Variants in TPD52 observed in about 807,000 individuals in gnomAD.
The protein encoded by TPD52 is tumor protein D52, also known as prostate and colon associated protein.
A neutral mutation model predicts 31.3 loss-of-function variants in TPD52; 17 were observed. The observed-to-expected ratio is 0.54, with a 90% CI of 0.37 to 0.82. TPD52 has a LOEUF of 0.82. Ranked by LOEUF, TPD52 falls within the 40% of genes least tolerant of loss-of-function variation. The pLI is 0.00. For synonymous variants in TPD52, 83 were observed against 89.6 expected, an observed-to-expected ratio of 0.93 and a Z score of 0.42; for missense variants, 212 against 240.1, an observed-to-expected ratio of 0.88 and a Z score of 0.77.
chr8:80,138,504 T>C (rs1310607817), intron 1 of TPD52, among the ~76,000 whole-genome samples: 1 of 152,192 alleles, frequency 6.6e-6, no homozygotes, highest in Non-Finnish European at 1.5e-5. Context: ...ATACATTATA[T>C]CTGAGTACAG....
chr8:80,116,051 T>C (rs1807841828), intron 1 of TPD52, among the ~76,000 whole-genome samples: 1 of 152,204 alleles, frequency 6.6e-6, no homozygotes, highest in Non-Finnish European at 1.5e-5. Flanking sequence ...GGATAATTTG[T>C]CAATATCTAC....
At chr8:80,031,656 G>A (rs939710255), downstream of TPD52, among the ~76,000 whole-genome samples, 3 of 152,078 alleles carry the variant, frequency 2.0e-5, no homozygotes, top group Non-Finnish European at 4.4e-5. Flanking sequence ...TGAGGAGTCC[G>A]AGACCAGCTT....
At chr8:80,152,181 C>G (rs1028979090) in intron 1 of TPD52, among the ~76,000 whole-genome samples, 13 of 150,520 alleles carry the variant, frequency 8.6e-5, no homozygotes, top group African/African-American at 3.2e-4. Flanking sequence ...CATGCCCCCC[C>G]GACCCCAGGA....
At position 80,035,247 on chromosome 8, in the gene TPD52, A is replaced by AG. The variant is rs749833814; in HGVS notation, c.*2868dup. Reference sequence around the variant, plus strand: ...TCCTAGCTATTTGGGAAGCTAAGGCAGTAGGATTCCTTGACCCCAGGAGTT... The same window carrying AG: ...TCCTAGCTATTTGGGAAGCTAAGGCAGGTAGGATTCCTTGACCCCAGGAGTT... On this transcript the variant is annotated 3_prime_UTR_variant, in exon 8 of 8. Transcript: ENST00000518937. The AG allele has an allele frequency of 2.6e-5, 4 of 152,250 alleles. No homozygotes were observed. The highest frequency in any genetic ancestry group is 4.8e-5 in the African/African-American group (2 of 41,466). The allele number at this position is 152,250 out of a possible 1,614,324, so 9.4% of individuals were successfully genotyped here.
At chr8:80,144,614 CCAGGGA>C (rs1392951014) in intron 1 of TPD52, among the ~76,000 whole-genome samples, 1 of 152,082 alleles carries the variant, frequency 6.6e-6, no homozygotes, top group Non-Finnish European at 1.5e-5. Context: ...AGTGGTCTTC[CCAGGGA>C]AGTTCATGGG....
chr8:80,115,904 T>C (rs1039890076), intron 1 of TPD52, among the ~76,000 whole-genome samples: 1 of 152,086 alleles, frequency 6.6e-6, no homozygotes, highest in African/African-American at 2.4e-5. Flanking sequence ...GAAAAAATAT[T>C]TGGAAGACAT....
intron 1 of TPD52, among the ~76,000 whole-genome samples, chr8:80,086,211 C>G (rs1464557848): frequency 6.7e-6 from 1 of 149,650 alleles, no homozygotes; most frequent in African/African-American, 2.5e-5. Flanking sequence ...TCCGCCTCCC[C>G]GGTTTAAGTG....
At chr8:80,112,753 C>A (rs79920910) in intron 1 of TPD52, among the ~76,000 whole-genome samples, 4 of 47,910 alleles carry the variant, frequency 8.3e-5, no homozygotes, top group East Asian at 8.8e-3. Flanking sequence ...AGCAACCCCC[C>A]AACCCATTCA....
intron 1 of TPD52, among the ~76,000 whole-genome samples, chr8:80,091,921 A>G (rs1435520237): frequency 6.6e-6 from 1 of 152,244 alleles, no homozygotes. Context: ...AAGCTTGAGT[A>G]AACTCTGAAT....
rs1031893523 is a variant in TPD52, at chr8:80,052,702, A to G, written c.284+580T>C. On this transcript the variant is annotated intron_variant, in intron 3 of 7. Transcript: ENST00000518937. ...TTGTGCCGGGAAACAAAACTGCATT[A>G]TGATAATGCTATATCATAGCATGTG... 5.4e-6 allele frequency: 7 copies of G among 1,286,984 alleles called. No individual in the cohort carries two copies. The Admixed American group carries it at 9.2e-5, about 17-fold the overall frequency. 79.7% of individuals were successfully genotyped at this position (1,286,984 alleles called of 1,614,324 possible).
chr8:80,042,479 C>A, intron 7 of TPD52, 141 bp downstream of exon 7: 1 of 1,426,964 alleles, frequency 7.0e-7, no homozygotes, highest in Non-Finnish European at 9.2e-7. Context: ...TAAATGTCCA[C>A]TAGTAACATA....
At chr8:80,071,745 A>C (rs185329915) in intron 1 of TPD52, among the ~76,000 whole-genome samples, 1 of 151,736 alleles carries the variant, frequency 6.6e-6, no homozygotes, top group Admixed American at 6.6e-5. Flanking sequence ...TTAGATTCCT[A>C]CCCCTAAGCT....
At chr8:80,040,179 G>A (rs930216750) in intron 7 of TPD52, among the ~76,000 whole-genome samples, 82 of 141,192 alleles carry the variant, frequency 5.8e-4, no homozygotes, top group Admixed American at 2.6e-3. Flanking sequence ...TGTTTAATAC[G>A]CTATCCTTTT....
rs574690043 is a variant in TPD52 at position 80,099,053 on chromosome 8, G to A, written c.20-34460C>T. On this transcript the variant is annotated intron_variant, in intron 1 of 7. Coordinates refer to ENST00000518937, the MANE Select transcript of TPD52 (RefSeq NM_001025253.3). Reference sequence around the variant, plus strand: ...GTTTTGTTTTGTTTTGGGGGCGAGGGTATATACACAATTTTTTAGACATAA... The same window carrying A: ...GTTTTGTTTTGTTTTGGGGGCGAGGATATATACACAATTTTTTAGACATAA... 1.3e-4 allele frequency among the ~76,000 whole-genome samples: 20 copies of A among 152,240 alleles called. No homozygotes were observed. In the East Asian group the frequency reaches 3.9e-3, roughly 29 times the overall value.
At chr8:80,167,952 A>T (rs1811824750) in intron 1 of TPD52, among the ~76,000 whole-genome samples, 1 of 152,248 alleles carries the variant, frequency 6.6e-6, no homozygotes. Flanking sequence ...CAGCTCCATA[A>T]AAGGTAGTCA....
chr8:80,101,448 CAAAAAAAAAAAAAAAA>C (rs113660828), intron 1 of TPD52, among the ~76,000 whole-genome samples: 61 of 114,700 alleles, frequency 5.3e-4, no homozygotes, highest in African/African-American at 6.1e-4. Flanking sequence ...ACTCCCAGCT[CAAAAAAAAAAAAAAAA>C]AAAAAAAAAA....
chr8:80,044,330 C>T, intron 5 of TPD52, 122 bp from the exon 6 acceptor site: 1 of 750,200 alleles, frequency 1.3e-6, no homozygotes, highest in Non-Finnish European at 2.1e-6. Flanking sequence ...TGAAGAATTA[C>T]CTACTTTTTG....
At chr8:80,157,047 T>G (rs1279212040) in intron 1 of TPD52, among the ~76,000 whole-genome samples, 7 of 152,218 alleles carry the variant, frequency 4.6e-5, no homozygotes, top group Non-Finnish European at 8.8e-5. Flanking sequence ...ACCAGTGATT[T>G]GAGGTTCCCG....
chr8:80,068,390 C>T (rs1229477812), intron 1 of TPD52, among the ~76,000 whole-genome samples: 2 of 152,154 alleles, frequency 1.3e-5, no homozygotes, highest in African/African-American at 4.8e-5. Flanking sequence ...GGAAACAGGG[C>T]CTAGTCTTTC....
Sources: allele counts gnomAD v4.1 joint callset (sites outside exome capture counted in the v4.1 genomes callset), GRCh38; gene constraint gnomAD v4.1.1; transcripts MANE v1.5; gene names NCBI Gene and HGNC (gene_info 2026-07-23, HGNC 2026-07-21).